Variants in WNT9B observed in about 807,000 individuals in gnomAD.
WNT9B encodes the protein Wnt family member 9B, also known as protein Wnt-9b.
Under a neutral mutation model 30.2 loss-of-function variants are expected in WNT9B, and 12 were observed. The observed-to-expected ratio is 0.40, with a 90% CI of 0.26 to 0.64. WNT9B has a LOEUF of 0.64. WNT9B is among the 30% of genes least tolerant of loss of function. The pLI is 0.42. For synonymous variants in WNT9B, 218 were observed against 216.9 expected, an observed-to-expected ratio of 1.01 and a Z score of -0.05; for missense variants, 442 against 485.2, an observed-to-expected ratio of 0.91 and a Z score of 0.84.
chr17:46,843,256 C>T (rs557208755), intron 1 of WNT9B, among the ~76,000 whole-genome samples: 1 of 152,304 alleles, frequency 6.6e-6, no homozygotes, highest in Non-Finnish European at 1.5e-5. Flanking sequence ...CTTAAGTCCC[C>T]AACACTTTTT....
chr17:46,834,262 G>A (rs1568110693), intron 1 of WNT9B, among the ~76,000 whole-genome samples: 3 of 152,278 alleles, frequency 2.0e-5, no homozygotes, highest in Non-Finnish European at 2.9e-5. Flanking sequence ...TAACCAAAAC[G>A]ACGGATTTGC....
intron 2 of WNT9B, 107 bp downstream of exon 2, chr17:46,872,880 C>T (rs1470269998): frequency 1.5e-6 from 2 of 1,328,138 alleles, no homozygotes; most frequent in African/African-American, 1.5e-5. Context: ...CGTGCCCAGG[C>T]CACACTGCCC....
At chr17:46,839,961 TTTCTTTCTTTCTTTCTC>T (rs1235061206) in intron 1 of WNT9B, among the ~76,000 whole-genome samples, 5 of 141,450 alleles carry the variant, frequency 3.5e-5, no homozygotes, top group Non-Finnish European at 7.9e-5. Flanking sequence ...TCTTTCTTTC[TTTCTTTCTTTCTTTCTC>T]TTCTTTCTTT....
In WNT9B at chr17:46,878,677, G is replaced by T. The variant is rs2085382679; in HGVS notation, c.*1959G>T. ...TCTGCCTCCACCCAGGCTCAGTGCT[G>T]GGCGTAAGGCAGCAGGGACCTCACT... On this transcript the variant is annotated 3_prime_UTR_variant, in exon 4 of 4. Transcript: ENST00000290015. Among the ~76,000 whole-genome samples, 1 of 152,130 alleles carries T rather than the reference G, an allele frequency of 6.6e-6. No homozygotes were observed. The highest frequency in any genetic ancestry group is 2.1e-4 in the South Asian group (1 of 4,812).
rs372396522 is a variant in WNT9B at position 46,837,154 on chromosome 17, G to A, written c.95+3714G>A. On this transcript the variant is annotated intron_variant, in intron 1 of 2. Transcript: ENST00000575372. The stretch of plus-strand genomic sequence containing the variant: ...GATGGGGTTTCACCATGTTGGCCAG[G>A]CTGGTCTTGATCTCTTGACCTCGTG... Among the ~76,000 whole-genome samples the A allele has an allele frequency of 3.3e-5, 5 of 152,274 alleles. No individual in the cohort carries two copies. The East Asian group carries it at 7.7e-4, about 23-fold the overall frequency.
upstream of WNT9B, among the ~76,000 whole-genome samples, chr17:46,850,686 C>T (rs1005744623): frequency 5.3e-5 from 8 of 152,216 alleles, no homozygotes; most frequent in African/African-American, 1.4e-4. Flanking sequence ...ACAGGTACCA[C>T]GCGCCGCTTT....
rs35256955 is a variant in WNT9B at position 46,858,978 on chromosome 17, C to CTT, written c.77+7279_77+7280dup. The stretch of plus-strand genomic sequence containing the variant: ...CACAGCTAGAAACTTATAATTTTAG[C>CTT]TTTTTTTTTTTTTTTTTGACAGAAT... On this transcript the variant is annotated intron_variant, in intron 1 of 3. Transcript: ENST00000290015. Among the ~76,000 whole-genome samples, 737 of 134,216 alleles carry CTT rather than the reference C, an allele frequency of 5.5e-3. 10 individuals are homozygous for CTT. Among genetic ancestry groups the CTT allele is most frequent in the African/African-American group, 0.018 (661 of 36,110 alleles). 88.1% of individuals were successfully genotyped at this position (134,216 alleles called of 152,430 possible).
chr17:46,875,517 C>T (rs2085330875), intron 3 of WNT9B, 151 bp downstream of exon 3: 3 of 1,147,488 alleles, frequency 2.6e-6, no homozygotes, highest in Non-Finnish European at 3.6e-6. Flanking sequence ...CTTCAACCAG[C>T]ATTCCCTTGG....
In WNT9B at chr17:46,877,404, G is replaced by A. The variant is rs1377317280; in HGVS notation, c.*686G>A. On this transcript the variant is annotated 3_prime_UTR_variant, in exon 4 of 4. Transcript: ENST00000290015. Reference sequence around the variant, plus strand: ...GGCTTTTCAAATATGCCTCCGCTGAGGCCTCATTCTTGTCTCGAGAGCTGG... The same window carrying A: ...GGCTTTTCAAATATGCCTCCGCTGAAGCCTCATTCTTGTCTCGAGAGCTGG... Among the ~76,000 whole-genome samples, 1 of 152,174 alleles carries A rather than the reference G, an allele frequency of 6.6e-6. No homozygotes were observed. Among genetic ancestry groups the A allele is most frequent in the Non-Finnish European group, 1.5e-5 (1 of 68,024 alleles).
At chr17:46,862,473 T>C (rs1273282243) in intron 1 of WNT9B, among the ~76,000 whole-genome samples, 2 of 152,164 alleles carry the variant, frequency 1.3e-5, no homozygotes, top group African/African-American at 4.8e-5. Context: ...AAACTTGTAG[T>C]TTTCTGAGTT....
rs139178745 is a variant in WNT9B at position 46,841,853 on chromosome 17, G to A, written c.95+8413G>A. On this transcript the variant is annotated intron_variant, in intron 1 of 2. Transcript: ENST00000575372. The stretch of plus-strand genomic sequence containing the variant: ...CGTTTGCCGTGTGCAAAGTGAAGGG[G>A]TAGGCCGACCCCGCAGGGCCCTTCT... 2.9e-3 allele frequency among the ~76,000 whole-genome samples: 439 copies of A among 152,362 alleles called. 1 individual carries two copies. The highest frequency in any genetic ancestry group is 4.6e-3 in the Non-Finnish European group (311 of 68,030).
downstream of WNT9B, among the ~76,000 whole-genome samples, chr17:46,880,977 G>A (rs2085415266): frequency 3.3e-5 from 5 of 152,346 alleles, no homozygotes; most frequent in South Asian, 1.0e-3. Context: ...TCTAATAGGA[G>A]AAATGAGAAG....
chr17:46,873,106 A>G (rs1302105745), intron 2 of WNT9B, among the ~76,000 whole-genome samples: 7 of 151,152 alleles, frequency 4.6e-5, no homozygotes, highest in Admixed American at 4.6e-4. Context: ...ACACACACAC[A>G]CACACACACA....
rs138132881 is a variant in WNT9B, at chr17:46,852,070, C to T, written c.77+355C>T. Among the ~76,000 whole-genome samples the T allele has an allele frequency of 5.2e-3, 795 of 152,368 alleles. 13 individuals carry two copies. Among genetic ancestry groups the T allele is most frequent in the African/African-American group, 0.018 (743 of 41,582 alleles). On this transcript the variant is annotated intron_variant, in intron 1 of 3. Transcript: ENST00000290015. ...CGTCAGTCCCGCTCTCTGATGCCCT[C>T]TCGGGATCCTCACGCCGGTGCCCTG...
intron 1 of WNT9B, chr17:46,833,447 G>A (rs2084581879): frequency 2.0e-6 from 1 of 511,526 alleles, no homozygotes; most frequent in Non-Finnish European, 3.9e-6. Flanking sequence ...GAAGGTGAGT[G>A]TTAGGGAGGA....
At chr17:46,874,956 C>G in intron 2 of WNT9B, 145 bp from the exon 3 acceptor site, 1 of 1,314,366 alleles carries the variant, frequency 7.6e-7, no homozygotes, top group Non-Finnish European at 1.1e-6. Flanking sequence ...GAGCTGTGTC[C>G]TCAAGCCACA....
intron 1 of WNT9B, among the ~76,000 whole-genome samples, chr17:46,855,705 T>C (rs1003078866): frequency 2.6e-5 from 4 of 152,232 alleles, no homozygotes; most frequent in Non-Finnish European, 5.9e-5. Flanking sequence ...AGTCTATTTA[T>C]TTATTTATTT....
intron 1 of WNT9B, among the ~76,000 whole-genome samples, chr17:46,836,157 G>A (rs1008229311): frequency 1.4e-5 from 2 of 142,686 alleles, no homozygotes; most frequent in Admixed American, 1.4e-4. Context: ...TGGTGGCGGG[G>A]CAATTAATAA....
chr17:46,872,837 G>A, intron 2 of WNT9B, 64 bp downstream of exon 2: 1 of 1,494,906 alleles, frequency 6.7e-7, no homozygotes, highest in East Asian at 2.3e-5. Context: ...GGAGGAGGCT[G>A]GGAGAGGCTG....
Sources: allele counts gnomAD v4.1 joint callset (sites outside exome capture counted in the v4.1 genomes callset), GRCh38; gene constraint gnomAD v4.1.1; transcripts MANE v1.5; gene names NCBI Gene and HGNC (gene_info 2026-07-23, HGNC 2026-07-21).